Variants in TRMT10B observed in about 807,000 individuals in gnomAD.
TRMT10B encodes tRNA methyltransferase 10 homolog B.
Under a neutral mutation model 43.8 loss-of-function variants are expected in TRMT10B, and 33 were observed. That is an observed-to-expected ratio of 0.75 (90% CI 0.57 to 1.01). The LOEUF (loss-of-function observed/expected upper bound fraction) is 1.01, where lower values mean the gene tolerates loss of function less well. Among genes scored for constraint, TRMT10B ranks in the 50% least tolerant of loss-of-function variants. The pLI is 0.00. For synonymous variants in TRMT10B, 137 were observed against 130.6 expected, an observed-to-expected ratio of 1.05 and a Z score of -0.34; for missense variants, 362 against 369.8, an observed-to-expected ratio of 0.98 and a Z score of 0.17.
At chr9:37,768,369 A>T (rs1224332410) in intron 5 of TRMT10B, 141 bp downstream of exon 5, 1 of 963,044 alleles carries the variant, frequency 1.0e-6, no homozygotes, top group East Asian at 2.7e-5. Flanking sequence ...TAAGTTCTTA[A>T]ATTTAAAATT....
intron 1 of TRMT10B, among the ~76,000 whole-genome samples, chr9:37,761,195 T>G (rs540018566): frequency 1.2e-4 from 18 of 152,328 alleles, no homozygotes; most frequent in African/African-American, 4.3e-4. Flanking sequence ...ACAGTAGGTA[T>G]TCAATAAATA....
intron 3 of TRMT10B, among the ~76,000 whole-genome samples, chr9:37,763,254 G>A (rs180691204): frequency 6.6e-6 from 1 of 151,768 alleles, no homozygotes; most frequent in East Asian, 1.9e-4. Context: ...ACCAGCAACA[G>A]CTAATATTTA....
chr9:37,764,459 C>CT (rs967077690), intron 4 of TRMT10B, among the ~76,000 whole-genome samples: 5 of 151,504 alleles, frequency 3.3e-5, no homozygotes, highest in Non-Finnish European at 7.4e-5. Context: ...GTAGCTGGGA[C>CT]TACAGGCTCC....
chr9:37,774,599 T>G (rs1827936540), intron 7 of TRMT10B, among the ~76,000 whole-genome samples: 1 of 152,258 alleles, frequency 6.6e-6, no homozygotes, highest in Admixed American at 6.5e-5. Flanking sequence ...TTTTGAATTC[T>G]GTACTTCAAA....
intron 3 of TRMT10B, 53 bp downstream of exon 3, chr9:37,762,738 G>A (rs1048417393): frequency 6.6e-7 from 1 of 1,520,732 alleles, no homozygotes; most frequent in African/African-American, 1.4e-5. Context: ...TAGCAAACGT[G>A]TCTGCATGTT....
intron 6 of TRMT10B, among the ~76,000 whole-genome samples, chr9:37,770,317 G>A (rs892327476): frequency 2.3e-4 from 35 of 152,274 alleles, no homozygotes; most frequent in South Asian, 6.2e-4. Flanking sequence ...TTGGATCAAT[G>A]TTAGATCTAT....
At chr9:37,777,527 C>A in intron 8 of TRMT10B, 74 bp from the exon 9 acceptor site, 2 of 1,271,378 alleles carry the variant, frequency 1.6e-6, no homozygotes, top group Non-Finnish European at 2.3e-6. Context: ...CGAAATATTA[C>A]AGAACATCCT....
Position 37,768,065 on chromosome 9 carries a change from T to C in TRMT10B, c.421-11T>C, listed in dbSNP as rs201465483. The C allele has an allele frequency of 6.2e-7, 1 of 1,613,052 alleles. No homozygotes were observed. The highest frequency in any genetic ancestry group is 8.5e-7 in the Non-Finnish European group (1 of 1,179,462). ...ATGTTTTTGCCCTGAGTTGTTCTTA[T>C]TTCTTTGAAGGAATTAAGTAGACTG... On this transcript the variant is annotated splice_polypyrimidine_tract_variant and intron_variant, in intron 4 of 8. Coordinates refer to ENST00000297994, the MANE Select transcript of TRMT10B (RefSeq NM_144964.4).
At chr9:37,764,160 T>G (rs1826725684) in intron 4 of TRMT10B, among the ~76,000 whole-genome samples, 1 of 152,064 alleles carries the variant, frequency 6.6e-6, no homozygotes, top group South Asian at 2.1e-4. Flanking sequence ...TTGTTGTTGT[T>G]TTTTTGAGAT....
chr9:37,776,362 G>A lies in TRMT10B; in HGVS notation c.801G>A (p.Gln267=). Residue 267 remains glutamine (Q), a synonymous_variant, in exon 8 of 9, where the codon CAG becomes CAA. Transcript: ENST00000297994. ...TCCAGGAATACATGGTCAGAAACCA[G>A]AATGGGAAAAACTATCATTCAGAGA... ...LPIQEYMVRN[Q]NGKNYHSEIL... is the part of the protein sequence containing the mutation. 6.2e-7 allele frequency: 1 copy of A among 1,612,548 alleles called. No individual in the cohort carries two copies. The highest frequency in any genetic ancestry group is 8.5e-7 in the Non-Finnish European group (1 of 1,179,242).
chr9:37,777,547 C>A, intron 8 of TRMT10B, 54 bp from the exon 9 acceptor site: 1 of 1,380,354 alleles, frequency 7.2e-7, no homozygotes, highest in Non-Finnish European at 1.0e-6. Flanking sequence ...TTTTCATTTA[C>A]TCGTTCTTTT....
intron 1 of TRMT10B, among the ~76,000 whole-genome samples, chr9:37,756,907 C>T (rs1825786340): frequency 6.6e-6 from 1 of 151,882 alleles, no homozygotes; most frequent in Non-Finnish European, 1.5e-5. Context: ...TGAGGTGGCT[C>T]ACATCTCTAC....
At position 37,763,738 on chromosome 9, in the gene TRMT10B, C is replaced by T. The variant is rs745675943; in HGVS notation, c.405C>T (p.His135=). The part of the protein sequence containing the change: ...PRLCIDLSMT[H]YMSKKELSRL... ...TATGTATCGATTTGAGTATGACCCACTACATGTCAAAGAAGGTAGAACATC... is the reference window on the plus strand; with the variant it reads ...TATGTATCGATTTGAGTATGACCCATTACATGTCAAAGAAGGTAGAACATC... The change falls in exon 4 of 9, where the codon CAC becomes CAT. Residue 135 remains histidine (H), a synonymous_variant. Transcript: ENST00000297994. 1.9e-6 allele frequency: 3 copies of T among 1,614,052 alleles called. No individual in the cohort carries two copies. The highest frequency in any genetic ancestry group is 2.5e-6 in the Non-Finnish European group (3 of 1,179,962).
chr9:37,768,055 G>A lies in TRMT10B; in HGVS notation c.421-21G>A, dbSNP rs756805186. 13 of 1,612,142 alleles carry A rather than the reference G, an allele frequency of 8.1e-6. No individual in the cohort carries two copies. In the South Asian group the frequency reaches 1.3e-4, roughly 16 times the overall value. On this transcript the variant is annotated intron_variant, in intron 4 of 8. Transcript: ENST00000297994. ...GTGAGTTGGCATGTTTTTGCCCTGA[G>A]TTGTTCTTATTTCTTTGAAGGAATT...
rs1214489231 is a variant in TRMT10B at position 37,762,038 on chromosome 9, T to G, written c.107T>G (p.Phe36Cys). 3 of 1,614,056 alleles carry G rather than the reference T, an allele frequency of 1.9e-6. No homozygotes were observed. Among genetic ancestry groups the G allele is most frequent in the Non-Finnish European group, 2.5e-6 (3 of 1,180,006 alleles). ...GGTGAAGATGGACTTCCTGAAGGCT[T>G]CCAGCTTCTGCAGATCGATGCGGAA... is the stretch of plus-strand genomic sequence containing the variant. ...ETGEDGLPEG[F>C]QLLQIDAEGE... The change falls in exon 2 of 9, where the codon TTC becomes TGC. Residue 36 changes from phenylalanine (F) to cysteine (C), a missense_variant. Physicochemically the swap from Phe to Cys is radical, Grantham distance 205 (BLOSUM62 -2). Transcript: ENST00000297994.
chr9:37,756,792 A>ATG (rs1374695450), intron 1 of TRMT10B, among the ~76,000 whole-genome samples: 3 of 133,116 alleles, frequency 2.3e-5, no homozygotes, highest in Admixed American at 7.5e-5. Context: ...GTATACATAC[A>ATG]TGTGTATGTG....
intron 1 of TRMT10B, among the ~76,000 whole-genome samples, chr9:37,754,319 G>A (rs1825360146): frequency 6.6e-6 from 1 of 152,240 alleles, no homozygotes; most frequent in Non-Finnish European, 1.5e-5. Context: ...AAGGTAGTCT[G>A]TGAGTGTCTT....
intron 5 of TRMT10B, among the ~76,000 whole-genome samples, chr9:37,769,035 C>T (rs574543780): frequency 2.6e-5 from 4 of 152,132 alleles, no homozygotes; most frequent in South Asian, 2.1e-4. Flanking sequence ...AGGCTGGGCA[C>T]GGTGGCTTAT....
At chr9:37,759,170 T>G (rs560930060) in intron 1 of TRMT10B, among the ~76,000 whole-genome samples, 26 of 152,296 alleles carry the variant, frequency 1.7e-4, no homozygotes, top group Non-Finnish European at 3.1e-4. Flanking sequence ...TGTGAAAACA[T>G]GTATCCATAA....
Sources: allele counts gnomAD v4.1 joint callset (sites outside exome capture counted in the v4.1 genomes callset), GRCh38; gene constraint gnomAD v4.1.1; transcripts MANE v1.5; gene names NCBI Gene and HGNC (gene_info 2026-07-23, HGNC 2026-07-21).